Variants in FEM1B observed in about 807,000 individuals in gnomAD.
FEM1B encodes the protein protein fem-1 homolog B.
Under a neutral mutation model 38.6 loss-of-function variants are expected in FEM1B, and 10 were observed. The ratio of observed to expected loss-of-function variants is 0.26; its 90% CI spans 0.16 to 0.44. The LOEUF (loss-of-function observed/expected upper bound fraction) is 0.44, where lower values mean the gene tolerates loss of function less well. FEM1B is among the 20% of genes least tolerant of loss of function. The pLI is 1.00. For missense variants in FEM1B, 471 were observed against 786.7 expected (o/e 0.60, Z 4.80); for synonymous variants, 288 against 288.0 (o/e 1.00, Z 0.00).
chr15:68,278,829 T>C lies in FEM1B; in HGVS notation c.248+164T>C, dbSNP rs570453155. Among the ~76,000 whole-genome samples the C allele has an allele frequency of 1.1e-4, 16 of 152,222 alleles. No homozygotes were observed. The highest frequency in any genetic ancestry group is 3.1e-4 in the African/African-American group (13 of 41,544). On this transcript the variant is annotated intron_variant, in intron 1 of 1. Transcript: ENST00000306917. This position sits in a 1 kb window ranked among gnomAD's most constrained non-coding sequence, Gnocchi z 5.7. The stretch of plus-strand genomic sequence containing the variant: ...TAATGCCCACTTCATCTTCCAGGGC[T>C]AATAATCCATCCCATGTTTTGCTGC...
Position 68,288,490 on chromosome 15 carries a change from T to G in FEM1B, c.249-1117T>G, listed in dbSNP as rs187983708. Among the ~76,000 whole-genome samples, 1 of 152,310 alleles carries G rather than the reference T, an allele frequency of 6.6e-6. No homozygotes were observed. Among genetic ancestry groups the G allele is most frequent in the East Asian group, 1.9e-4 (1 of 5,188 alleles). ...CTCCAGCAAAAATCTACTTATCAGG[T>G]CTTTTGGTTAGTGGTAAGAAATTTA... On this transcript the variant is annotated intron_variant, in intron 1 of 1. Transcript: ENST00000306917. This position sits in a 1 kb window ranked among gnomAD's most constrained non-coding sequence, Gnocchi z 4.6.
chr15:68,289,586 G>A lies in FEM1B; in HGVS notation c.249-21G>A, dbSNP rs756242139. On this transcript the variant is annotated intron_variant, in intron 1 of 1. Transcript: ENST00000306917. This position sits in a 1 kb window ranked among gnomAD's most constrained non-coding sequence, Gnocchi z 6.9. ...AGGCTGTGGCCTCTGTTATCTAACT[G>A]CTTATTCTTTTCATGTGTAGGTATG... 1 of 1,599,812 alleles carries A rather than the reference G, an allele frequency of 6.3e-7. No homozygotes were observed. The highest frequency in any genetic ancestry group is 8.6e-7 in the Non-Finnish European group (1 of 1,168,442).
In FEM1B at chr15:68,289,631, T is replaced by C; in HGVS notation, c.273T>C (p.Ala91=). The C allele has an allele frequency of 1.2e-6, 2 of 1,614,088 alleles. No individual in the cohort carries two copies. Among genetic ancestry groups the C allele is most frequent in the Non-Finnish European group, 1.7e-6 (2 of 1,179,970 alleles). The change falls in exon 2 of 2, where the codon GCT becomes GCC. Residue 91 remains alanine (A), a synonymous_variant. Coordinates refer to ENST00000306917, the MANE Select transcript of FEM1B (RefSeq NM_015322.5). The surrounding 1 kb of genome is among the most constrained non-coding windows in gnomAD (Gnocchi z 6.9). ...FDGYVIDGAT[A]LWCAAGAGHF... ...GGTATGTCATTGATGGTGCCACTGC[T>C]CTTTGGTGTGCAGCTGGAGCAGGAC...
In FEM1B at chr15:68,281,082, C is replaced by G. The variant is rs1433873412; in HGVS notation, c.248+2417C>G. 6.6e-6 allele frequency among the ~76,000 whole-genome samples: 1 copy of G among 151,944 alleles called. No individual in the cohort carries two copies. Among genetic ancestry groups the G allele is most frequent in the Non-Finnish European group, 1.5e-5 (1 of 67,986 alleles). On this transcript the variant is annotated intron_variant, in intron 1 of 1. Transcript: ENST00000306917. The surrounding 1 kb of genome is among the most constrained non-coding windows in gnomAD (Gnocchi z 5.1). ...CCCAGTCATTTTAGGATTTTAGAAC[C>G]AAAAAAGAGTGTGATGATTTCACTT...
intron 1 of FEM1B, among the ~76,000 whole-genome samples, chr15:68,287,716 G>C (rs1892804386): frequency 1.3e-5 from 2 of 152,128 alleles, no homozygotes; most frequent in African/African-American, 4.8e-5. Flanking sequence ...TCAAGATCAA[G>C]GTGCCAGTAG....
In FEM1B at chr15:68,281,629, T is replaced by C. The variant is rs1892728091; in HGVS notation, c.248+2964T>C. Among the ~76,000 whole-genome samples the C allele has an allele frequency of 6.6e-6, 1 of 152,192 alleles. No individual in the cohort carries two copies. Among genetic ancestry groups the C allele is most frequent in the Non-Finnish European group, 1.5e-5 (1 of 68,030 alleles). ...GATATTTGAGTTCTTGTTCACTTTTTTTTTTTGAGACGGAGTCTCGCTCTG... is the reference window on the plus strand; with the variant it reads ...GATATTTGAGTTCTTGTTCACTTTTCTTTTTTGAGACGGAGTCTCGCTCTG... On this transcript the variant is annotated intron_variant, in intron 1 of 1. Transcript: ENST00000306917. This position sits in a 1 kb window ranked among gnomAD's most constrained non-coding sequence, Gnocchi z 5.1.
chr15:68,282,979 A>C (rs893215189), intron 1 of FEM1B, among the ~76,000 whole-genome samples: 1 of 152,172 alleles, frequency 6.6e-6, no homozygotes, highest in African/African-American at 2.4e-5. Context: ...TTGTCATAGA[A>C]TATCTTTAAA....
Position 68,278,101 on chromosome 15 carries a change from T to G in FEM1B, c.-317T>G. The G allele has an allele frequency of 7.1e-6, 2 of 283,616 alleles. No homozygotes were observed. The highest frequency in any genetic ancestry group is 4.8e-5 in the South Asian group (1 of 20,768). The allele number at this position is 283,616 out of a possible 1,614,324, so 17.6% of individuals were successfully genotyped here. A position where few individuals can be genotyped will look rare whatever the true frequency, so the allele number is the denominator to read the frequency against. ...TGTCGCATCCCGCAGGAAGGAGGGG[T>G]CCGGCCTGAGGCCCGGGGCGGCGTC... On this transcript the variant is annotated 5_prime_UTR_variant, in exon 1 of 2. Transcript: ENST00000306917. The surrounding 1 kb of genome is among the most constrained non-coding windows in gnomAD (Gnocchi z 5.7).
rs892932631 is a variant in FEM1B at position 68,294,050 on chromosome 15, C to T, written c.*2808C>T. On this transcript the variant is annotated 3_prime_UTR_variant, in exon 2 of 2. Coordinates refer to ENST00000306917, the MANE Select transcript of FEM1B (RefSeq NM_015322.5). This position sits in a 1 kb window ranked among gnomAD's most constrained non-coding sequence, Gnocchi z 4.4. Reference sequence around the variant, plus strand: ...GGAGGCCCAGGTGGATGTTTTCATTCGCAAATCATGAGAAACTTAAGTGGG... The same window carrying T: ...GGAGGCCCAGGTGGATGTTTTCATTTGCAAATCATGAGAAACTTAAGTGGG... The T allele has an allele frequency of 2.0e-5, 3 of 152,104 alleles. No homozygotes were observed. Among genetic ancestry groups the T allele is most frequent in the Non-Finnish European group, 2.9e-5 (2 of 68,004 alleles). The allele number at this position is 152,104 out of a possible 1,614,324, so 9.4% of individuals were successfully genotyped here.
chr15:68,292,564 G>A lies in FEM1B; in HGVS notation c.*1322G>A, dbSNP rs1892858364. 1 of 151,454 alleles carries A rather than the reference G, an allele frequency of 6.6e-6. No individual in the cohort carries two copies. The highest frequency in any genetic ancestry group is 2.4e-5 in the African/African-American group (1 of 41,254). The allele number at this position is 151,454 out of a possible 1,614,324, so 9.4% of individuals were successfully genotyped here. ...AATGAAAGCAAAATTAGCTGTATCT[G>A]TAATTTTCTCTCTAGTGCCAAATGA... On this transcript the variant is annotated 3_prime_UTR_variant, in exon 2 of 2. Transcript: ENST00000306917.
In FEM1B at chr15:68,288,044, C is replaced by T. The variant is rs1282580072; in HGVS notation, c.249-1563C>T. ...GGGGTTTCACCATGTTGGCCAGGCT[C>T]GTCTTGAACTCCTGACCTCAAGTGA... On this transcript the variant is annotated intron_variant, in intron 1 of 1. Transcript: ENST00000306917. This position sits in a 1 kb window ranked among gnomAD's most constrained non-coding sequence, Gnocchi z 4.6. Among the ~76,000 whole-genome samples the T allele has an allele frequency of 3.3e-5, 5 of 151,968 alleles. No homozygotes were observed. The highest frequency in any genetic ancestry group is 4.8e-5 in the African/African-American group (2 of 41,366).
In FEM1B at chr15:68,290,622, A is replaced by T; in HGVS notation, c.1264A>T (p.Met422Leu). Residue 422 changes from methionine to leucine, a missense_variant, in exon 2 of 2, where the codon ATG (methionine) becomes TTG (leucine). This residue lies in a region of FEM1B where 380 missense variants were observed against 599.6 expected (regional missense o/e 0.63). Transcript: ENST00000306917. This position sits in a 1 kb window ranked among gnomAD's most constrained non-coding sequence, Gnocchi z 9.7. ...RCSVLEIEQS[M>L]NRVKNISDAD... Reference sequence around the variant, plus strand: ...CAGTGTTTTGGAAATAGAACAAAGTATGAACAGAGTGAAAAATATTTCAGA... The same window carrying T: ...CAGTGTTTTGGAAATAGAACAAAGTTTGAACAGAGTGAAAAATATTTCAGA... 6.2e-7 allele frequency: 1 copy of T among 1,614,240 alleles called. No homozygotes were observed. Among genetic ancestry groups the T allele is most frequent in the Non-Finnish European group, 8.5e-7 (1 of 1,180,028 alleles).
chr15:68,283,715 T>C (rs1892753388), intron 1 of FEM1B, among the ~76,000 whole-genome samples: 2 of 151,998 alleles, frequency 1.3e-5, no homozygotes, highest in African/African-American at 2.4e-5. Context: ...ACATTGTAAC[T>C]ATGTAATTGT....
At position 68,294,583 on chromosome 15, in the gene FEM1B, A is replaced by C. The variant is rs1567115476; in HGVS notation, c.*3341A>C. On this transcript the variant is annotated 3_prime_UTR_variant, in exon 2 of 2. Transcript: ENST00000306917. The surrounding 1 kb of genome is among the most constrained non-coding windows in gnomAD (Gnocchi z 4.4). Reference sequence around the variant, plus strand: ...GACCACTTTGGGTTATTTAAGCAGAAGCGTTTCTTTTTTTTTTTTGGAATG... The same window carrying C: ...GACCACTTTGGGTTATTTAAGCAGACGCGTTTCTTTTTTTTTTTTGGAATG... 2 of 151,636 alleles carry C rather than the reference A, an allele frequency of 1.3e-5. No individual in the cohort carries two copies. Among genetic ancestry groups the C allele is most frequent in the Non-Finnish European group, 2.9e-5 (2 of 67,984 alleles). 9.4% of individuals were successfully genotyped at this position (151,636 alleles called of 1,614,324 possible).
Position 68,278,528 on chromosome 15 carries a change from C to T in FEM1B, c.111C>T (p.Gly37=). ...AAAGCGACATCCGCTATCTGCTTGG[C>T]TATGTCAGCCAGCAGGGAGGGCAGC... ...RSESDIRYLL[G]YVSQQGGQRS... The change falls in exon 1 of 2, where the codon GGC becomes GGT. Residue 37 remains glycine, a synonymous_variant. Coordinates refer to ENST00000306917, the MANE Select transcript of FEM1B (RefSeq NM_015322.5). This position sits in a 1 kb window ranked among gnomAD's most constrained non-coding sequence, Gnocchi z 5.7. 6.2e-7 allele frequency: 1 copy of T among 1,614,090 alleles called. No homozygotes were observed. The highest frequency in any genetic ancestry group is 1.1e-5 in the South Asian group (1 of 91,084).
chr15:68,290,192 AG>A lies in FEM1B; in HGVS notation c.835del (p.Ala279ProfsTer3). The A allele has an allele frequency of 6.2e-7, 1 of 1,614,010 alleles. No individual in the cohort carries two copies. The highest frequency in any genetic ancestry group is 8.5e-7 in the Non-Finnish European group (1 of 1,179,962). Reference protein sequence around the residue: ...IIKTYHYLYLAMLERFQDGDN... With the variant: ...IIKTYHYLYLXMLERFQDGDN... ...TAAAGACATACCACTATCTATATTT[AG>A]CCATGTTAGAGAGGTTCCAAGATGG... On this transcript the variant is annotated frameshift_variant, in exon 2 of 2. Coordinates refer to ENST00000306917, the MANE Select transcript of FEM1B (RefSeq NM_015322.5). LOFTEE classifies it high-confidence loss of function. This position sits in a 1 kb window ranked among gnomAD's most constrained non-coding sequence, Gnocchi z 9.7.
rs994341985 is a variant in FEM1B, at chr15:68,293,441, T to G, written c.*2199T>G. The G allele has an allele frequency of 6.6e-6, 1 of 152,206 alleles. No homozygotes were observed. Among genetic ancestry groups the G allele is most frequent in the African/African-American group, 2.4e-5 (1 of 41,456 alleles). The allele number at this position is 152,206 out of a possible 1,614,324, so 9.4% of individuals were successfully genotyped here. On this transcript the variant is annotated 3_prime_UTR_variant, in exon 2 of 2. Coordinates refer to ENST00000306917, the MANE Select transcript of FEM1B (RefSeq NM_015322.5). The surrounding 1 kb of genome is among the most constrained non-coding windows in gnomAD (Gnocchi z 5.8). ...TTATTTATAAAATGAGAATAATGAT[T>G]ATATGTACATATTCAGACATCAAAA...
Position 68,289,698 on chromosome 15 carries a change from G to A in FEM1B, c.340G>A (p.Val114Met), listed in dbSNP as rs1892826176. 1 of 1,614,152 alleles carries A rather than the reference G, an allele frequency of 6.2e-7. No homozygotes were observed. Among genetic ancestry groups the A allele is most frequent in the Non-Finnish European group, 8.5e-7 (1 of 1,180,006 alleles). Residue 114 changes from valine (V) to methionine (M), a missense_variant, in exon 2 of 2, where the codon GTG becomes ATG. Val to Met is a conservative substitution (Grantham distance 21). Around this residue, in one of 3 missense-constraint regions of FEM1B, gnomAD observed 91 missense variants for 169.6 expected, o/e 0.54. Coordinates refer to ENST00000306917, the MANE Select transcript of FEM1B (RefSeq NM_015322.5). The surrounding 1 kb of genome is among the most constrained non-coding windows in gnomAD (Gnocchi z 6.9). ...VKLLVSHGAN[V>M]NHTTVTNSTP... ...ACTTCTAGTCAGCCATGGAGCCAACGTGAACCATACCACAGTAACTAATTC... is the reference window on the plus strand; with the variant it reads ...ACTTCTAGTCAGCCATGGAGCCAACATGAACCATACCACAGTAACTAATTC...
chr15:68,291,347 A>C lies in FEM1B; in HGVS notation c.*105A>C. ...CATAAATTCTGCTTTTCTTTCCACT[A>C]CCCTTCCTCCCATCCCATCCTTCCT... On this transcript the variant is annotated 3_prime_UTR_variant, in exon 2 of 2. Transcript: ENST00000306917. This position sits in a 1 kb window ranked among gnomAD's most constrained non-coding sequence, Gnocchi z 6.9. The C allele has an allele frequency of 1.2e-6, 1 of 807,416 alleles. No homozygotes were observed. Among genetic ancestry groups the C allele is most frequent in the Admixed American group, 3.0e-5 (1 of 32,800 alleles). 50.0% of individuals were successfully genotyped at this position (807,416 alleles called of 1,614,324 possible). A position where few individuals can be genotyped will look rare whatever the true frequency, so the allele number is the denominator to read the frequency against.
Sources: allele counts gnomAD v4.1 joint callset (sites outside exome capture counted in the v4.1 genomes callset), GRCh38; gene constraint gnomAD v4.1.1; regional missense constraint gnomAD v4.1.1; non-coding constraint Gnocchi (gnomAD v3.1); transcripts MANE v1.5; gene names NCBI Gene and HGNC (gene_info 2026-07-23, HGNC 2026-07-21).